The following SMC3 variants were observed in gnomAD, a reference collection of about 807,000 sequenced individuals.
The protein encoded by SMC3 is structural maintenance of chromosomes protein 3.
SMC3 carries 20 observed loss-of-function variants against 171.8 expected under a neutral mutation model. The ratio of observed to expected loss-of-function variants is 0.12; its 90% CI spans 0.08 to 0.17. The LOEUF is 0.17. Ranked by LOEUF, SMC3 falls within the 10% of genes least tolerant of loss-of-function variation. SMC3 has a pLI of 1.00. For missense variants in SMC3, 543 were observed against 1,420.4 expected, an observed-to-expected ratio of 0.38 and a Z score of 9.93; for synonymous variants, 464 against 451.1, an observed-to-expected ratio of 1.03 and a Z score of -0.36.
chr10:110,596,138 C>G (rs1191520075), intron 18 of SMC3, among the ~76,000 whole-genome samples: 1 of 146,630 alleles, frequency 6.8e-6, no homozygotes, highest in Non-Finnish European at 1.5e-5. Context: ...AGGAGGATCA[C>G]TTGAATCCAG....
intron 18 of SMC3, among the ~76,000 whole-genome samples, chr10:110,593,578 CAA>C (rs1393805625): frequency 1.3e-5 from 2 of 149,708 alleles, no homozygotes; most frequent in African/African-American, 2.4e-5. Context: ...TCTCAAAAAA[CAA>C]AGAGACATAT....
intron 3 of SMC3, among the ~76,000 whole-genome samples, chr10:110,574,942 C>G (rs1860925205): frequency 6.6e-6 from 1 of 152,138 alleles, no homozygotes. Flanking sequence ...AAAATACATC[C>G]TATTTTGTTA....
Position 110,603,309 on chromosome 10 carries a change from G to C in SMC3, c.3582+19G>C, listed in dbSNP as rs1861415461. 3.6e-6 allele frequency: 5 copies of C among 1,396,994 alleles called. No homozygotes were observed. Among genetic ancestry groups the C allele is most frequent in the Non-Finnish European group, 5.1e-6 (5 of 985,726 alleles). 86.5% of individuals were successfully genotyped at this position (1,396,994 alleles called of 1,614,324 possible). On this transcript the variant is annotated intron_variant, in intron 28 of 28. Transcript: ENST00000361804. ...AAATAAGGTAATTTTATTTTACATT[G>C]AGTTTAAGTTTGTATTTATTCAATT...
chr10:110,603,236 G>A lies in SMC3; in HGVS notation c.3528G>A (p.Arg1176=), dbSNP rs779739612. The A allele has an allele frequency of 9.3e-6, 15 of 1,610,478 alleles. No homozygotes were observed. In the South Asian group the frequency reaches 1.5e-4, roughly 17 times the overall value. The change falls in exon 28 of 29, where the codon AGG becomes AGA. Residue 1176 remains arginine (R), a synonymous_variant. Coordinates refer to ENST00000361804, the MANE Select transcript of SMC3 (RefSeq NM_005445.4). Reference sequence around the variant, plus strand: ...CTCAGTTTATTACAACTACTTTTAGGCCTGAACTGCTTGAGTCAGCTGACA... The same window carrying A: ...CTCAGTTTATTACAACTACTTTTAGACCTGAACTGCTTGAGTCAGCTGACA... ...VHAQFITTTF[R]PELLESADKF...
At position 110,601,091 on chromosome 10, in the gene SMC3, A is replaced by G; in HGVS notation, c.2605A>G (p.Ile869Val). 6.2e-7 allele frequency: 1 copy of G among 1,613,756 alleles called. No individual in the cohort carries two copies. ...AGCCACAACATCAGAACTTGAAGCC[A>G]TCAATAAAAGAGTAAAAGACACTAT... ...LTATTSELEA[I>V]NKRVKDTMAR... The change falls in exon 23 of 29, where the codon ATC (isoleucine) becomes GTC (valine). Residue 869 changes from isoleucine (I) to valine (V), a missense_variant. Physicochemically the swap from Ile to Val is conservative, Grantham distance 29. This residue lies in a region of SMC3 where 81 missense variants were observed against 184.2 expected (regional missense o/e 0.44). Coordinates refer to ENST00000361804, the MANE Select transcript of SMC3 (RefSeq NM_005445.4).
intron 28 of SMC3, 108 bp from the exon 29 acceptor site, chr10:110,604,123 A>G (rs1427953156): frequency 4.8e-6 from 3 of 629,540 alleles, no homozygotes; most frequent in Admixed American, 2.9e-5. Context: ...AAAAACTAAA[A>G]ATTAAAAAAT....
rs1861021107 is a variant in SMC3, at chr10:110,580,982, G to A, written c.508G>A (p.Glu170Lys). 2 of 1,601,610 alleles carry A rather than the reference G, an allele frequency of 1.2e-6. No homozygotes were observed. The highest frequency in any genetic ancestry group is 1.1e-5 in the South Asian group (1 of 90,802). Reference protein sequence around the residue: ...REVAGTRVYDERKEESISLMK... With the variant: ...REVAGTRVYDKRKEESISLMK... ...AGTAGCTGGTACTAGAGTGTATGAC[G>A]AACGAAAGGAAGAAAGCATCTCCTT... The change falls in exon 8 of 29, where the codon GAA becomes AAA. Residue 170 changes from glutamate to lysine, a missense_variant. Physicochemically the swap from Glu to Lys is moderately conservative, Grantham distance 56. Around this residue, in one of 8 missense-constraint regions of SMC3, gnomAD observed 146 missense variants for 437.9 expected, o/e 0.33. Transcript: ENST00000361804.
intron 1 of SMC3, 97 bp downstream of exon 1, chr10:110,567,928 T>C: frequency 7.1e-7 from 1 of 1,416,428 alleles, no homozygotes; most frequent in Non-Finnish European, 9.9e-7. Flanking sequence ...CTCCCCTGTC[T>C]CCACAGGCTG....
At position 110,582,203 on chromosome 10, in the gene SMC3, TAAAAA is replaced by T. The variant is rs367741874; in HGVS notation, c.723+109_723+113del. Reference sequence around the variant, plus strand: ...TTTTCAGTGATTTTAAATAGAAACTTAAAAAAAACCTCTCAATGAATTTATTAGTC... The same window carrying T: ...TTTTCAGTGATTTTAAATAGAAACTTAAACCTCTCAATGAATTTATTAGTC... On this transcript the variant is annotated intron_variant, in intron 9 of 28. Transcript: ENST00000361804. The T allele has an allele frequency of 2.0e-5, 21 of 1,052,152 alleles. No individual in the cohort carries two copies. In the Admixed American group the frequency reaches 2.4e-4, roughly 12 times the overall value. 65.2% of individuals were successfully genotyped at this position (1,052,152 alleles called of 1,614,324 possible).
Position 110,604,339 on chromosome 10 carries a change from T to C in SMC3, c.*37T>C, listed in dbSNP as rs191584262. The C allele has an allele frequency of 7.1e-7, 1 of 1,412,784 alleles. No homozygotes were observed. The highest frequency in any genetic ancestry group is 1.0e-6 in the Non-Finnish European group (1 of 998,688). 87.5% of individuals were successfully genotyped at this position (1,412,784 alleles called of 1,614,324 possible). A position where few individuals can be genotyped will look rare whatever the true frequency, so the allele number is the denominator to read the frequency against. On this transcript the variant is annotated 3_prime_UTR_variant, in exon 29 of 29. Transcript: ENST00000361804. ...TACCTACTGGTTTGGGAGATGTATA[T>C]AGTAATATGATTCTCATACCCAGGA... is the stretch of plus-strand genomic sequence containing the variant.
At chr10:110,594,098 A>C (rs1861254356) in intron 18 of SMC3, among the ~76,000 whole-genome samples, 1 of 10,472 alleles carries the variant, frequency 9.5e-5, no homozygotes, top group African/African-American at 2.5e-4. Context: ...GATGTCTCTG[A>C]AATGTGATCA....
Position 110,577,821 on chromosome 10 carries a change from A to G in SMC3, c.271-14A>G. 6.3e-7 allele frequency: 1 copy of G among 1,585,374 alleles called. No individual in the cohort carries two copies. The highest frequency in any genetic ancestry group is 8.7e-7 in the Non-Finnish European group (1 of 1,154,644). On this transcript the variant is annotated splice_polypyrimidine_tract_variant and intron_variant, in intron 5 of 28. Transcript: ENST00000361804. ...ACTATTAAATTAACTGTGGGCTTTTACATTTTTTCTTAGATCGATAAAGAG... is the reference window on the plus strand; with the variant it reads ...ACTATTAAATTAACTGTGGGCTTTTGCATTTTTTCTTAGATCGATAAAGAG...
chr10:110,593,969 T>C (rs1049801312), intron 18 of SMC3, among the ~76,000 whole-genome samples: 40 of 152,072 alleles, frequency 2.6e-4, no homozygotes, highest in Non-Finnish European at 2.1e-4. Context: ...GCCTGGGTGA[T>C]AGAGCAAGAT....
Position 110,593,240 on chromosome 10 carries a change from CTTAGCT to C in SMC3, c.1963+21_1963+26del. On this transcript the variant is annotated intron_variant, in intron 18 of 28. Coordinates refer to ENST00000361804, the MANE Select transcript of SMC3 (RefSeq NM_005445.4). ...CTTTGGAAGGTTTGTAATACTAATTCTTAGCTTTAAACAGATAAATTCTAACAAATC... is the reference window on the plus strand; with the variant it reads ...CTTTGGAAGGTTTGTAATACTAATTCTTAAACAGATAAATTCTAACAAATC... 6.2e-7 allele frequency: 1 copy of C among 1,611,290 alleles called. No homozygotes were observed. Among genetic ancestry groups the C allele is most frequent in the Non-Finnish European group, 8.5e-7 (1 of 1,177,444 alleles).
At chr10:110,573,241 A>G (rs1860898124) in intron 2 of SMC3, among the ~76,000 whole-genome samples, 1 of 152,140 alleles carries the variant, frequency 6.6e-6, no homozygotes, top group Non-Finnish European at 1.5e-5. Flanking sequence ...AAAATTATTT[A>G]TATTTTTGTG....
chr10:110,573,158 A>G (rs1336862861), intron 2 of SMC3, among the ~76,000 whole-genome samples: 1 of 152,202 alleles, frequency 6.6e-6, no homozygotes, highest in Non-Finnish European at 1.5e-5. Flanking sequence ...CACTAAACAC[A>G]CTTAAAAGGA....
chr10:110,591,622 G>T (rs947091976), intron 17 of SMC3, among the ~76,000 whole-genome samples: 3 of 152,118 alleles, frequency 2.0e-5, no homozygotes, highest in Non-Finnish European at 4.4e-5. Context: ...CATTGCTTTT[G>T]TTGGTAACAA....
intron 22 of SMC3, among the ~76,000 whole-genome samples, 155 bp from the exon 23 acceptor site, chr10:110,600,867 T>G (rs1861375385): frequency 6.6e-6 from 1 of 152,228 alleles, no homozygotes. Flanking sequence ...TTGTGTCTTT[T>G]TTTTCTTCCC....
At chr10:110,575,430 T>A in intron 4 of SMC3, 27 bp downstream of exon 4, 2 of 1,509,862 alleles carry the variant, frequency 1.3e-6, no homozygotes, top group Non-Finnish European at 1.8e-6. Context: ...TAAGACATTA[T>A]TGATATTACA....
Sources: gnomAD v4.1 joint callset for allele counts (sites outside exome capture counted in the v4.1 genomes callset) on GRCh38, gnomAD v4.1.1 for gene constraint, gnomAD v4.1.1 regional missense constraint, MANE v1.5 for transcripts, NCBI Gene and HGNC (gene_info 2026-07-23, HGNC 2026-07-21) for gene names.